Variants in TENM3 observed in about 807,000 individuals in gnomAD.
TENM3 encodes teneurin-3.
Under a neutral mutation model 255.1 loss-of-function variants are expected in TENM3, and 63 were observed. The ratio of observed to expected loss-of-function variants is 0.25; its 90% confidence interval spans 0.20 to 0.30. The LOEUF (loss-of-function observed/expected upper bound fraction) is 0.30, where lower values mean the gene tolerates loss of function less well. TENM3 is among the 10% of genes least tolerant of loss of function. TENM3 has a pLI of 1.00. For synonymous variants in TENM3, 1,306 were observed against 1,322.3 expected (o/e 0.99, Z 0.27); for missense variants, 2,929 against 3,461.1 (o/e 0.85, Z 3.86).
In TENM3 at chr4:182,433,627, G is replaced by C. The variant is rs551956963; in HGVS notation, c.511+86698G>C. The stretch of plus-strand genomic sequence containing the variant: ...CAAGATAAAACTCGAGTGGTCTCCT[G>C]AAATAATAGGCTGAGGAATGGGAGT... On this transcript the variant is annotated intron_variant, in intron 3 of 27. Coordinates refer to ENST00000511685, the MANE Select transcript of TENM3 (RefSeq NM_001080477.4). Among the ~76,000 whole-genome samples, 28 of 152,310 alleles carry C rather than the reference G, an allele frequency of 1.8e-4. No homozygotes were observed. The South Asian group carries it at 5.2e-3, about 28-fold the overall frequency.
chr4:182,412,054 G>T (rs77542754), intron 3 of TENM3, among the ~76,000 whole-genome samples: 2,814 of 152,254 alleles, frequency 0.018, 70 homozygotes, highest in East Asian at 0.1. Context: ...CTGGACCCAA[G>T]TCAGCCCCTG....
intron 3 of TENM3, among the ~76,000 whole-genome samples, chr4:182,465,663 T>G (rs953231917): frequency 7.2e-5 from 11 of 152,048 alleles, no homozygotes; most frequent in Non-Finnish European, 1.6e-4. Flanking sequence ...ACTGCTAGAG[T>G]CTTCAATTCA....
In TENM3 at chr4:182,441,001, A is replaced by G. The variant is rs528519201; in HGVS notation, c.511+94072A>G. Among the ~76,000 whole-genome samples the G allele has an allele frequency of 2.0e-5, 3 of 152,326 alleles. No individual in the cohort carries two copies. In the East Asian group the frequency reaches 5.8e-4, roughly 29 times the overall value. ...AGACTCTTAAAATAGAATTGCCCTC[A>G]GTAAACAATGTAAAACATTGTAATG... is the stretch of plus-strand genomic sequence containing the variant. On this transcript the variant is annotated intron_variant, in intron 3 of 27. Coordinates refer to ENST00000511685, the MANE Select transcript of TENM3 (RefSeq NM_001080477.4).
At chr4:181,489,793 T>C in the TENM3 span, among the ~76,000 whole-genome samples, 2 of 152,216 alleles carry the variant, frequency 1.3e-5, no homozygotes, top group African/African-American at 2.4e-5. Flanking sequence ...TGGAAAATTG[T>C]ATTTTCAGCC....
the TENM3 span, among the ~76,000 whole-genome samples, chr4:181,847,916 T>C: frequency 4.6e-5 from 7 of 152,176 alleles, no homozygotes; most frequent in Non-Finnish European, 8.8e-5. Flanking sequence ...CAAAACCTGC[T>C]CAGGACTGAA....
At chr4:182,640,223 G>C (rs1752183437) in intron 5 of TENM3, among the ~76,000 whole-genome samples, 1 of 152,130 alleles carries the variant, frequency 6.6e-6, no homozygotes, top group Non-Finnish European at 1.5e-5. Context: ...TAAAAAAGAA[G>C]TATATAAATG....
At chr4:181,539,682 A>G in the TENM3 span, among the ~76,000 whole-genome samples, 1 of 152,344 alleles carries the variant, frequency 6.6e-6, no homozygotes, top group South Asian at 2.1e-4. Context: ...ATGTTGGATT[A>G]ATGCAGATGG....
At chr4:182,230,657 G>C (rs770860894) in intron 1 of TENM3, among the ~76,000 whole-genome samples, 1 of 151,356 alleles carries the variant, frequency 6.6e-6, no homozygotes, top group African/African-American at 2.4e-5. Flanking sequence ...CGCAAAGCAG[G>C]GTGTCCTACC....
intron 19 of TENM3, among the ~76,000 whole-genome samples, chr4:182,747,000 C>T (rs1762052866): frequency 6.6e-6 from 1 of 152,172 alleles, no homozygotes; most frequent in East Asian, 1.9e-4. Flanking sequence ...TCAGATGCTT[C>T]TTCCTGTGTA....
At chr4:182,759,253 C>T (rs1178947321) in intron 22 of TENM3, among the ~76,000 whole-genome samples, 1 of 152,204 alleles carries the variant, frequency 6.6e-6, no homozygotes, top group African/African-American at 2.4e-5. Flanking sequence ...TGGAATGTTG[C>T]TGTGGGTATA....
the TENM3 span, among the ~76,000 whole-genome samples, chr4:181,933,581 A>G: frequency 6.6e-6 from 1 of 152,224 alleles, no homozygotes; most frequent in Non-Finnish European, 1.5e-5. Context: ...AAGCAAATCA[A>G]GGGTTAATAG....
chr4:182,111,006 T>A, the TENM3 span, among the ~76,000 whole-genome samples: 1 of 152,200 alleles, frequency 6.6e-6, no homozygotes, highest in Non-Finnish European at 1.5e-5. Context: ...GCATATTGAA[T>A]GCTTCCATGT....
At chr4:182,697,148 G>A (rs1041104576) in intron 12 of TENM3, among the ~76,000 whole-genome samples, 3 of 152,174 alleles carry the variant, frequency 2.0e-5, no homozygotes, top group Admixed American at 6.5e-5. Flanking sequence ...TCGTTGGACT[G>A]AAATTCATAA....
At chr4:182,658,918 CT>C (rs754141916) in intron 6 of TENM3, among the ~76,000 whole-genome samples, 25 of 152,182 alleles carry the variant, frequency 1.6e-4, no homozygotes, top group Admixed American at 3.3e-4. Flanking sequence ...AACATAGCAG[CT>C]GGTTCTGAAG....
At chr4:182,238,147 A>C (rs991964215) in intron 1 of TENM3, among the ~76,000 whole-genome samples, 1 of 152,154 alleles carries the variant, frequency 6.6e-6, no homozygotes, top group Admixed American at 6.5e-5. Flanking sequence ...TCTCATAAAT[A>C]ATGCCCTTCC....
the TENM3 span, among the ~76,000 whole-genome samples, chr4:182,076,267 T>C: frequency 0.47 from 69,378 of 148,086 alleles, 16,745 homozygotes; most frequent in African/African-American, 0.53. Context: ...CAGGTTGGCA[T>C]GATCTTGGCT....
intron 4 of TENM3, among the ~76,000 whole-genome samples, chr4:182,628,385 G>T (rs1751035241): frequency 6.6e-6 from 1 of 152,018 alleles, no homozygotes; most frequent in African/African-American, 2.4e-5. Flanking sequence ...CTACTTGAAG[G>T]GACAGTGATC....
the TENM3 span, among the ~76,000 whole-genome samples, chr4:181,587,037 C>T: frequency 6.6e-6 from 1 of 152,138 alleles, no homozygotes; most frequent in African/African-American, 2.4e-5. Context: ...GTGAAAACTA[C>T]CTTCTCCACC....
At chr4:181,886,708 A>C in the TENM3 span, among the ~76,000 whole-genome samples, 217 of 152,332 alleles carry the variant, frequency 1.4e-3, 1 homozygote, top group African/African-American at 4.9e-3. Context: ...CCTTCATTTC[A>C]TATTCAAACT....
Sources: gnomAD v4.1 joint callset for allele counts (sites outside exome capture counted in the v4.1 genomes callset) on GRCh38, gnomAD v4.1.1 for gene constraint, MANE v1.5 for transcripts, NCBI Gene and HGNC (gene_info 2026-07-23, HGNC 2026-07-21) for gene names.